Variants in PRKN observed in about 807,000 individuals in gnomAD.
PRKN encodes parkin RBR E3 ubiquitin protein ligase.
A neutral mutation model predicts 59.5 loss-of-function variants in PRKN; 56 were observed. The ratio of observed to expected loss-of-function variants is 0.94; its 90% CI spans 0.76 to 1.18. The LOEUF (loss-of-function observed/expected upper bound fraction) is 1.18, where lower values mean the gene tolerates loss of function less well. Ranked by LOEUF, PRKN falls within the 50% of genes most tolerant of loss-of-function variation. The pLI, the probability that PRKN is intolerant of heterozygous loss-of-function variation, is 0.00. For missense variants in PRKN, 657 were observed against 596.4 expected, an observed-to-expected ratio of 1.10 and a Z score of -1.06; for synonymous variants, 250 against 222.1, an observed-to-expected ratio of 1.13 and a Z score of -1.12.
At chr6:162,573,113 C>T (rs748686201) in intron 1 of PRKN, among the ~76,000 whole-genome samples, 12 of 152,164 alleles carry the variant, frequency 7.9e-5, no homozygotes, top group Non-Finnish European at 1.6e-4. Flanking sequence ...CTGGGTGCTC[C>T]ATTTTCCATT....
intron 7 of PRKN, among the ~76,000 whole-genome samples, chr6:161,696,464 C>A (rs1468560454): frequency 6.6e-6 from 1 of 152,198 alleles, no homozygotes; most frequent in East Asian, 1.9e-4. Flanking sequence ...AGGTTTTCAA[C>A]ATGCCAGATG....
rs1307404482 is a variant in PRKN, at chr6:161,458,836, A to G, written c.1084-71959T>C. 6.6e-6 allele frequency among the ~76,000 whole-genome samples: 1 copy of G among 152,188 alleles called. No individual in the cohort carries two copies. The highest frequency in any genetic ancestry group is 1.5e-5 in the Non-Finnish European group (1 of 68,032). On this transcript the variant is annotated intron_variant, in intron 9 of 11. Coordinates refer to ENST00000366898, the MANE Select transcript of PRKN (RefSeq NM_004562.3). The surrounding 1 kb of genome is among the most constrained non-coding windows in gnomAD (Gnocchi z 6.1). Reference sequence around the variant, plus strand: ...GCCAGAAATTCGTAAATTTTTAGGAAAGTGAAGAGCATATGGTCACTATGA... The same window carrying G: ...GCCAGAAATTCGTAAATTTTTAGGAGAGTGAAGAGCATATGGTCACTATGA...
In PRKN at chr6:161,367,021, G is replaced by C. The variant is rs1286187958; in HGVS notation, c.1168-6816C>G. Among the ~76,000 whole-genome samples, 2 of 117,956 alleles carry C rather than the reference G, an allele frequency of 1.7e-5. 1 individual carries two copies. Among genetic ancestry groups the C allele is most frequent in the Middle Eastern group, 0.013 (2 of 156 alleles). The allele number at this position is 117,956 out of a possible 152,430, so 77.4% of individuals were successfully genotyped here. On this transcript the variant is annotated intron_variant, in intron 10 of 11. Transcript: ENST00000366898. The stretch of plus-strand genomic sequence containing the variant: ...TTTTTTTTTTTTTGAGACAGAGTGT[G>C]GCTCTGTCGCCCAGGCTGGACTGCA...
At chr6:161,989,109 A>G (rs1781548547) in intron 5 of PRKN, among the ~76,000 whole-genome samples, 1 of 152,218 alleles carries the variant, frequency 6.6e-6, no homozygotes. Flanking sequence ...ACAGCTTCTA[A>G]GTTTGATCAA....
At chr6:162,189,455 T>C (rs1282400839) in intron 4 of PRKN, among the ~76,000 whole-genome samples, 2 of 150,738 alleles carry the variant, frequency 1.3e-5, no homozygotes, top group South Asian at 2.2e-4. Flanking sequence ...ATGACTATTA[T>C]ATCATTCATT....
In PRKN at chr6:162,021,170, T is replaced by A. The variant is rs1444749172; in HGVS notation, c.618+32921A>T. 6.5e-4 allele frequency among the ~76,000 whole-genome samples: 36 copies of A among 55,206 alleles called. 3 individuals carry two copies. The highest frequency in any genetic ancestry group is 6.1e-3 in the East Asian group (6 of 980). The allele number at this position is 55,206 out of a possible 152,430, so 36.2% of individuals were successfully genotyped here. Reference sequence around the variant, plus strand: ...TATATATATATATATATATATAAAATATATGTGTATATATATTATATATAT... The same window carrying A: ...TATATATATATATATATATATAAAAAATATGTGTATATATATTATATATAT... On this transcript the variant is annotated intron_variant, in intron 5 of 11. Transcript: ENST00000366898.
chr6:162,382,747 A>T (rs1786557400), intron 2 of PRKN, among the ~76,000 whole-genome samples: 1 of 152,148 alleles, frequency 6.6e-6, no homozygotes, highest in African/African-American at 2.4e-5. Flanking sequence ...TCTCCATAGC[A>T]TATGATGCTG....
chr6:161,492,631 G>C (rs9365294), intron 9 of PRKN, among the ~76,000 whole-genome samples: 63,020 of 152,168 alleles, frequency 0.41, 15,949 homozygotes, highest in Middle Eastern at 0.58. Context: ...TGGCAAGTCA[G>C]TGTTTTGAAA....
At chr6:162,290,503 A>C (rs557013434) in intron 2 of PRKN, among the ~76,000 whole-genome samples, 1 of 152,312 alleles carries the variant, frequency 6.6e-6, no homozygotes, top group South Asian at 2.1e-4. Flanking sequence ...TAATATATTC[A>C]AATGTCCATG....
At chr6:162,607,239 T>A (rs150181391) in intron 1 of PRKN, among the ~76,000 whole-genome samples, 5 of 152,128 alleles carry the variant, frequency 3.3e-5, no homozygotes, top group Admixed American at 6.5e-5. Context: ...ATAAATGACA[T>A]TGGTGAGAGA....
At chr6:161,453,178 C>T (rs1312248997) in intron 9 of PRKN, among the ~76,000 whole-genome samples, 1 of 152,118 alleles carries the variant, frequency 6.6e-6, no homozygotes, top group African/African-American at 2.4e-5. Flanking sequence ...CCAATGAGGG[C>T]CTGAGCCTTG....
At chr6:161,520,053 C>T (rs944949562) in intron 9 of PRKN, among the ~76,000 whole-genome samples, 24 of 152,242 alleles carry the variant, frequency 1.6e-4, no homozygotes, top group African/African-American at 5.5e-4. Flanking sequence ...GAAACAGCCT[C>T]ACCAGTAGAG....
chr6:162,256,406 G>A (rs937973178), intron 3 of PRKN, among the ~76,000 whole-genome samples: 2 of 152,120 alleles, frequency 1.3e-5, no homozygotes, highest in African/African-American at 4.8e-5. Context: ...AATTTAGAAA[G>A]ATTGAAAAGA....
intron 7 of PRKN, among the ~76,000 whole-genome samples, chr6:161,672,873 T>C (rs1480835698): frequency 6.6e-6 from 1 of 152,232 alleles, no homozygotes; most frequent in African/African-American, 2.4e-5. Context: ...CTTGAGTCTC[T>C]GACCTATTCT....
At chr6:161,930,235 C>T (rs2128240738) in intron 6 of PRKN, among the ~76,000 whole-genome samples, 1 of 152,254 alleles carries the variant, frequency 6.6e-6, no homozygotes, top group East Asian at 1.9e-4. Context: ...ATGATTGCTA[C>T]ATTATCTTCT....
intron 1 of PRKN, among the ~76,000 whole-genome samples, chr6:162,644,720 T>C (rs2803106): frequency 0.61 from 93,185 of 151,996 alleles, 29,301 homozygotes; most frequent in African/African-American, 0.75. Flanking sequence ...ATGCCATTTA[T>C]GAAAAATAAA....
chr6:162,582,163 A>G (rs73595908), intron 1 of PRKN, among the ~76,000 whole-genome samples: 3,130 of 152,296 alleles, frequency 0.021, 105 homozygotes, highest in African/African-American at 0.07. Context: ...TTACATATCC[A>G]TCTGAGAAGA....
rs1428299548 is a variant in PRKN, at chr6:161,378,394, C to T, written c.1167+8400G>A. Among the ~76,000 whole-genome samples the T allele has an allele frequency of 6.6e-6, 1 of 152,218 alleles. No homozygotes were observed. Among genetic ancestry groups the T allele is most frequent in the East Asian group, 1.9e-4 (1 of 5,182 alleles). On this transcript the variant is annotated intron_variant, in intron 10 of 11. Transcript: ENST00000366898. This position sits in a 1 kb window ranked among gnomAD's most constrained non-coding sequence, Gnocchi z 7.3. ...CATCTGCCACACCGCCAACATTCAA[C>T]CTGCCGGCAACAAAGAGCGGCACGG...
intron 4 of PRKN, among the ~76,000 whole-genome samples, chr6:162,199,293 A>G (rs973873606): frequency 6.6e-6 from 1 of 152,078 alleles, no homozygotes; most frequent in African/African-American, 2.4e-5. Context: ...CCAAGTCCAC[A>G]CTCATAAGTT....
Sources: allele counts gnomAD v4.1 joint callset (sites outside exome capture counted in the v4.1 genomes callset), GRCh38; gene constraint gnomAD v4.1.1; non-coding constraint Gnocchi (gnomAD v3.1); transcripts MANE v1.5; gene names NCBI Gene and HGNC (gene_info 2026-07-23, HGNC 2026-07-21).